LSAMP: variants seen among roughly 807,000 people sequenced by gnomAD.
LSAMP encodes the protein limbic system-associated membrane protein.
LSAMP carries 7 observed loss-of-function variants against 38.6 expected under a neutral mutation model. The ratio of observed to expected loss-of-function variants is 0.18; its 90% CI spans 0.10 to 0.34. The LOEUF (loss-of-function observed/expected upper bound fraction) is 0.34. Among genes scored for constraint, LSAMP ranks in the 10% least tolerant of loss-of-function variants. The pLI, the probability that LSAMP is intolerant of heterozygous loss-of-function variation, is 1.00. For missense variants in LSAMP, 313 were observed against 420.0 expected (o/e 0.75, Z 2.23); for synonymous variants, 154 against 166.8 (o/e 0.92, Z 0.59).
At chr3:116,414,625 T>C (rs541885411) in intron 1 of LSAMP, among the ~76,000 whole-genome samples, 31 of 152,236 alleles carry the variant, frequency 2.0e-4, no homozygotes, top group Admixed American at 1.8e-3. Context: ...ACTAGACTCT[T>C]TAGTGTATCT....
chr3:116,208,687 G>C (rs933251640), intron 1 of LSAMP, among the ~76,000 whole-genome samples: 2 of 152,142 alleles, frequency 1.3e-5, no homozygotes, highest in Non-Finnish European at 2.9e-5. Flanking sequence ...GCCCCTGCTG[G>C]GGGGTGCCTC....
intron 2 of LSAMP, among the ~76,000 whole-genome samples, chr3:116,054,758 C>A (rs568321304): frequency 4.9e-4 from 75 of 152,228 alleles, no homozygotes; most frequent in African/African-American, 1.5e-3. Flanking sequence ...ATTTTTCTAT[C>A]CTTGACTGAA....
chr3:116,171,296 T>C (rs1268326920), intron 1 of LSAMP, among the ~76,000 whole-genome samples: 2 of 152,284 alleles, frequency 1.3e-5, no homozygotes, highest in Middle Eastern at 3.4e-3. Context: ...ATTACTATTA[T>C]TGGTTTGGAT....
At chr3:116,012,666 A>T (rs1368189963) in intron 3 of LSAMP, among the ~76,000 whole-genome samples, 1 of 152,162 alleles carries the variant, frequency 6.6e-6, no homozygotes, top group Non-Finnish European at 1.5e-5. Flanking sequence ...TAGCTTTTTT[A>T]AAAATCCCCG....
intron 3 of LSAMP, among the ~76,000 whole-genome samples, chr3:115,964,619 A>G (rs755304834): frequency 4.1e-4 from 63 of 152,178 alleles, no homozygotes; most frequent in Admixed American, 7.2e-4. Flanking sequence ...TTATGCGCAG[A>G]TGATAAAATT....
chr3:116,422,554 A>G (rs954680801), intron 1 of LSAMP, among the ~76,000 whole-genome samples: 1 of 152,180 alleles, frequency 6.6e-6, no homozygotes, highest in Non-Finnish European at 1.5e-5. Flanking sequence ...ATATAGAAAC[A>G]GAAAGTAAGT....
chr3:116,135,499 G>C (rs948957709), intron 1 of LSAMP, among the ~76,000 whole-genome samples: 21 of 152,248 alleles, frequency 1.4e-4, no homozygotes, highest in African/African-American at 4.8e-4. Flanking sequence ...TCCTGACCCA[G>C]TGAAAGACAG....
intron 1 of LSAMP, among the ~76,000 whole-genome samples, chr3:116,334,781 CATT>C (rs1258970518): frequency 6.6e-6 from 1 of 152,036 alleles, no homozygotes; most frequent in Non-Finnish European, 1.5e-5. Flanking sequence ...ACACAGCAAA[CATT>C]ATCAATGGTG....
At chr3:116,319,900 C>T (rs2047684652) in intron 1 of LSAMP, among the ~76,000 whole-genome samples, 1 of 151,360 alleles carries the variant, frequency 6.6e-6, no homozygotes, top group Non-Finnish European at 1.5e-5. Context: ...AGATGGAAAA[C>T]CAAACAATGG....
chr3:116,226,101 C>A (rs1022823686), intron 1 of LSAMP, among the ~76,000 whole-genome samples: 2 of 152,044 alleles, frequency 1.3e-5, no homozygotes, highest in Non-Finnish European at 2.9e-5. Context: ...AAGTTTCTCC[C>A]AAATTCTATT....
At chr3:116,386,932 A>G (rs890071336) in intron 1 of LSAMP, among the ~76,000 whole-genome samples, 1 of 152,216 alleles carries the variant, frequency 6.6e-6, no homozygotes, top group African/African-American at 2.4e-5. Flanking sequence ...ACATCTGAGA[A>G]GATATGTCTG....
intron 3 of LSAMP, among the ~76,000 whole-genome samples, chr3:115,935,424 T>C (rs1937667545): frequency 6.6e-6 from 1 of 152,206 alleles, no homozygotes; most frequent in South Asian, 2.1e-4. Flanking sequence ...AACCACAATC[T>C]TGCCTTTATG....
At chr3:115,880,581 A>C (rs1000630591) in intron 3 of LSAMP, among the ~76,000 whole-genome samples, 1 of 152,176 alleles carries the variant, frequency 6.6e-6, no homozygotes, top group African/African-American at 2.4e-5. Context: ...TTTGTTTACC[A>C]AAACTTCTAA....
Position 115,806,658 on chromosome 3 carries a change from A to G in LSAMP, c.*3659T>C, listed in dbSNP as rs1933636755. The stretch of plus-strand genomic sequence containing the variant: ...GCCCCAGTAGTCTGACTATGTAGTA[A>G]AAAAATGCCCATGGCAAGCGAGAAG... On this transcript the variant is annotated 3_prime_UTR_variant, in exon 7 of 7. Coordinates refer to ENST00000490035, the MANE Select transcript of LSAMP (RefSeq NM_002338.5). 1 of 152,192 alleles carries G rather than the reference A, an allele frequency of 6.6e-6. No individual in the cohort carries two copies. Among genetic ancestry groups the G allele is most frequent in the Admixed American group, 6.5e-5 (1 of 15,278 alleles). 9.4% of individuals were successfully genotyped at this position (152,192 alleles called of 1,614,324 possible). A position where few individuals can be genotyped will look rare whatever the true frequency, so the allele number is the denominator to read the frequency against.
intron 1 of LSAMP, among the ~76,000 whole-genome samples, chr3:116,243,809 A>G (rs1176715360): frequency 3.9e-5 from 6 of 152,204 alleles, no homozygotes; most frequent in Non-Finnish European, 8.8e-5. Context: ...AACATTTGTG[A>G]CATTTTTCTT....
At chr3:116,423,711 G>A (rs943030656) in intron 1 of LSAMP, among the ~76,000 whole-genome samples, 9 of 152,174 alleles carry the variant, frequency 5.9e-5, no homozygotes, top group Admixed American at 3.9e-4. Context: ...AACAGAGAGC[G>A]AGTACTGAAC....
intron 1 of LSAMP, among the ~76,000 whole-genome samples, chr3:116,124,304 T>A (rs1175680836): frequency 6.6e-6 from 1 of 152,162 alleles, no homozygotes; most frequent in Non-Finnish European, 1.5e-5. Context: ...GGGAACCAAA[T>A]ACATCACTGC....
rs772367207 is a variant in LSAMP, at chr3:116,019,671, A to G, written c.389-31T>C. ...AAAACAAAAGGAAATGGAATATGTA[A>G]CCATGTCAGTAAGATTAGGCTTGTA... On this transcript the variant is annotated intron_variant, in intron 2 of 6. Transcript: ENST00000490035. 18 of 1,604,160 alleles carry G rather than the reference A, an allele frequency of 1.1e-5. 1 individual carries two copies. The South Asian group carries it at 2.0e-4, about 18-fold the overall frequency.
chr3:115,810,001 A>G lies in LSAMP; in HGVS notation c.*316T>C. ...TCCATCTGGTTCTTCTCTTATTTTT[A>G]CAGCATCCAGATGTCCTTAGTGTGG... On this transcript the variant is annotated 3_prime_UTR_variant, in exon 7 of 7. Transcript: ENST00000490035. 4.8e-6 allele frequency: 1 copy of G among 210,484 alleles called. No homozygotes were observed. Among genetic ancestry groups the G allele is most frequent in the Non-Finnish European group, 9.3e-6 (1 of 107,384 alleles). 13.0% of individuals were successfully genotyped at this position (210,484 alleles called of 1,614,324 possible). A position where few individuals can be genotyped will look rare whatever the true frequency, so the allele number is the denominator to read the frequency against.
Sources: gnomAD v4.1 joint callset for allele counts (sites outside exome capture counted in the v4.1 genomes callset) on GRCh38, gnomAD v4.1.1 for gene constraint, MANE v1.5 for transcripts, NCBI Gene and HGNC (gene_info 2026-07-23, HGNC 2026-07-21) for gene names.